Variants in TAFA2 observed in about 807,000 individuals in gnomAD.
TAFA2 encodes TAFA chemokine like family member 2, also known as chemokine-like protein TAFA-2.
A neutral mutation model predicts 18.8 loss-of-function variants in TAFA2; 7 were observed. That is an observed-to-expected ratio of 0.37 (90% CI 0.21 to 0.70). TAFA2 has a LOEUF of 0.70. Ranked by LOEUF, TAFA2 falls within the 30% of genes least tolerant of loss-of-function variation. The pLI, the probability that TAFA2 is intolerant of heterozygous loss-of-function variation, is 0.53. For missense variants in TAFA2, 122 were observed against 158.1 expected, an observed-to-expected ratio of 0.77 and a Z score of 1.23; for synonymous variants, 60 against 54.2, an observed-to-expected ratio of 1.11 and a Z score of -0.47.
upstream of TAFA2, chr12:62,260,018 C>G (rs1454074992): frequency 4.3e-6 from 1 of 233,750 alleles, no homozygotes; most frequent in Non-Finnish European, 8.7e-6. Context: ...ACCTCACCCT[C>G]AAGCGTGAGT....
intron 1 of TAFA2, among the ~76,000 whole-genome samples, chr12:61,926,215 C>G (rs1170818350): frequency 1.3e-5 from 2 of 152,092 alleles, no homozygotes; most frequent in Non-Finnish European, 2.9e-5. Context: ...GCCTACCAAC[C>G]AACAAAAGCC....
intron 1 of TAFA2, among the ~76,000 whole-genome samples, chr12:62,111,963 A>G (rs1010898678): frequency 2.6e-5 from 4 of 152,156 alleles, no homozygotes; most frequent in African/African-American, 9.7e-5. Context: ...TGTGTCTTTT[A>G]ATTAGGGCAT....
At chr12:62,114,937 A>G (rs1426420122) in intron 1 of TAFA2, among the ~76,000 whole-genome samples, 2 of 152,150 alleles carry the variant, frequency 1.3e-5, no homozygotes, top group Non-Finnish European at 2.9e-5. Context: ...TAGCTCTTAC[A>G]TGGGCCATAT....
chr12:62,107,653 A>G (rs2136860241), intron 1 of TAFA2, among the ~76,000 whole-genome samples: 1 of 152,284 alleles, frequency 6.6e-6, no homozygotes, highest in African/African-American at 2.4e-5. Flanking sequence ...TTAGGATGCC[A>G]TTGCTGGACT....
chr12:62,248,349 A>C (rs2062897015), intron 1 of TAFA2, among the ~76,000 whole-genome samples: 1 of 152,348 alleles, frequency 6.6e-6, no homozygotes, highest in Middle Eastern at 3.4e-3. Flanking sequence ...ACAGCAAAGT[A>C]GGAAAACCCA....
At chr12:62,259,697 T>A (rs1057279424), upstream of TAFA2, 1 of 152,504 alleles carries the variant, frequency 6.6e-6, no homozygotes, top group Admixed American at 6.5e-5. Context: ...TTCAATACTG[T>A]CCATATTCTA....
intron 1 of TAFA2, among the ~76,000 whole-genome samples, chr12:62,063,300 G>A (rs898529186): frequency 1.3e-5 from 2 of 152,076 alleles, no homozygotes; most frequent in Non-Finnish European, 2.9e-5. Flanking sequence ...TGAAATAGTA[G>A]TCTAATTCCT....
At chr12:62,052,243 T>C (rs1053461440) in intron 1 of TAFA2, among the ~76,000 whole-genome samples, 4 of 152,110 alleles carry the variant, frequency 2.6e-5, no homozygotes, top group African/African-American at 9.7e-5. Flanking sequence ...TCCCAGGGAC[T>C]GGAAGGCAGT....
chr12:62,110,686 C>A (rs1412673598), intron 1 of TAFA2, among the ~76,000 whole-genome samples: 1 of 126,806 alleles, frequency 7.9e-6, no homozygotes, highest in East Asian at 2.6e-4. Flanking sequence ...TTGGTCTATT[C>A]AGGGATTCAA....
chr12:62,158,154 G>A (rs1477219892), intron 1 of TAFA2, among the ~76,000 whole-genome samples: 3 of 152,080 alleles, frequency 2.0e-5, no homozygotes, highest in African/African-American at 7.2e-5. Flanking sequence ...TCTATACTTT[G>A]TATAATCTAA....
intron 1 of TAFA2, among the ~76,000 whole-genome samples, chr12:62,059,549 G>T (rs1464721265): frequency 6.6e-6 from 1 of 151,958 alleles, no homozygotes; most frequent in Non-Finnish European, 1.5e-5. Flanking sequence ...GGCGGGGCGG[G>T]GGGTTGCTGT....
intron 1 of TAFA2, among the ~76,000 whole-genome samples, chr12:62,073,969 A>G (rs1882697735): frequency 6.6e-6 from 1 of 152,250 alleles, no homozygotes; most frequent in South Asian, 2.1e-4. Context: ...CATAGTATAC[A>G]ATACAAATGT....
intron 2 of TAFA2, among the ~76,000 whole-genome samples, chr12:61,803,848 C>G (rs1376331767): frequency 6.6e-6 from 1 of 151,878 alleles, no homozygotes; most frequent in Admixed American, 6.6e-5. Context: ...TGTAACTAAC[C>G]TGCACGTTGT....
intron 1 of TAFA2, among the ~76,000 whole-genome samples, chr12:62,214,665 C>T (rs1592404219): frequency 6.6e-6 from 1 of 152,048 alleles, no homozygotes; most frequent in Admixed American, 6.6e-5. Context: ...TGACTGGTGC[C>T]CTTGTGCCCG....
intron 1 of TAFA2, among the ~76,000 whole-genome samples, chr12:62,032,041 T>C (rs900599824): frequency 1.3e-5 from 2 of 152,212 alleles, no homozygotes; most frequent in African/African-American, 4.8e-5. Flanking sequence ...ACATGGTTTA[T>C]AACTTAAATA....
At chr12:62,242,380 T>C (rs1199514809) in intron 1 of TAFA2, 1 of 152,208 alleles carries the variant, frequency 6.6e-6, no homozygotes, top group African/African-American at 2.4e-5. Context: ...AGTTTAACAC[T>C]TGGCTCAGCA....
At chr12:61,942,595 G>A (rs1420154053) in intron 1 of TAFA2, among the ~76,000 whole-genome samples, 1 of 67,890 alleles carries the variant, frequency 1.5e-5, no homozygotes, top group African/African-American at 6.0e-5. Context: ...AACCAATACA[G>A]AGAAGTGCTT....
chr12:61,873,847 G>T (rs1490074159), intron 1 of TAFA2, among the ~76,000 whole-genome samples: 1 of 152,070 alleles, frequency 6.6e-6, no homozygotes, highest in African/African-American at 2.4e-5. Context: ...GAGGTGGATG[G>T]TGCCATCGGT....
rs1461707619 is a variant in TAFA2 at position 61,710,165 on chromosome 12, T to C, written c.*241A>G. ...CCTCAGACAGTGACTTCAAATTCTTTTAACAATTTACAAGTTGAACACAGT... is the reference window on the plus strand; with the variant it reads ...CCTCAGACAGTGACTTCAAATTCTTCTAACAATTTACAAGTTGAACACAGT... On this transcript the variant is annotated 3_prime_UTR_variant, in exon 5 of 5. Transcript: ENST00000416284. The C allele has an allele frequency of 2.2e-6, 1 of 463,118 alleles. No individual in the cohort carries two copies. The highest frequency in any genetic ancestry group is 3.9e-6 in the Non-Finnish European group (1 of 259,490). The allele number at this position is 463,118 out of a possible 1,614,324, so 28.7% of individuals were successfully genotyped here.
Sources: gnomAD v4.1 joint callset for allele counts (sites outside exome capture counted in the v4.1 genomes callset) on GRCh38, gnomAD v4.1.1 for gene constraint, MANE v1.5 for transcripts, NCBI Gene and HGNC (gene_info 2026-07-23, HGNC 2026-07-21) for gene names.